The following DOCK5 variants were observed in gnomAD, a reference collection of about 807,000 sequenced individuals.
DOCK5 encodes the protein dedicator of cytokinesis protein 5.
A neutral mutation model predicts 251.8 loss-of-function variants in DOCK5; 142 were observed. The observed-to-expected ratio is 0.56, with a 90% CI of 0.49 to 0.65. The LOEUF (loss-of-function observed/expected upper bound fraction) is 0.65, where lower values mean the gene tolerates loss of function less well. Among genes scored for constraint, DOCK5 ranks in the 30% least tolerant of loss-of-function variants. DOCK5 has a pLI of 0.00. For missense variants in DOCK5, 2,111 were observed against 2,312.3 expected (o/e 0.91, Z 1.79); for synonymous variants, 842 against 835.5 (o/e 1.01, Z -0.13).
intron 14 of DOCK5, among the ~76,000 whole-genome samples, chr8:25,318,243 A>G (rs887816145): frequency 2.0e-5 from 2 of 98,782 alleles, no homozygotes; most frequent in African/African-American, 7.6e-5. Context: ...GCTCGCCACC[A>G]TGCTCGACTG....
intron 4 of DOCK5, among the ~76,000 whole-genome samples, chr8:25,276,270 T>A (rs1407263073): frequency 6.6e-6 from 1 of 152,190 alleles, no homozygotes; most frequent in Middle Eastern, 3.2e-3. Flanking sequence ...CCTACTTTGA[T>A]CATGAGCTTG....
rs1801409241 is a variant in DOCK5, at chr8:25,399,968, C to T, written c.4762C>T (p.Leu1588=). The change falls in exon 46 of 52, where the codon CTG becomes TTG. Residue 1588 remains leucine (L), a synonymous_variant. Coordinates refer to ENST00000276440, the MANE Select transcript of DOCK5 (RefSeq NM_024940.8). ...TCCTGAAGACCAGGAGAAGGTTGAG[C>T]TGCTAAAGCGACTAATAGCATTACA... ...EHPEDQEKVE[L]LKRLIALQMP... 6.2e-7 allele frequency: 1 copy of T among 1,613,734 alleles called. No individual in the cohort carries two copies. The highest frequency in any genetic ancestry group is 2.2e-5 in the East Asian group (1 of 44,874).
At chr8:25,259,049 G>A (rs932963524) in intron 2 of DOCK5, among the ~76,000 whole-genome samples, 5 of 152,196 alleles carry the variant, frequency 3.3e-5, no homozygotes, top group South Asian at 2.1e-4. Context: ...AGCCCGGGGG[G>A]GCGGAGGTTG....
At chr8:25,310,749 C>G (rs1805070397) in intron 13 of DOCK5, among the ~76,000 whole-genome samples, 2 of 152,130 alleles carry the variant, frequency 1.3e-5, no homozygotes, top group Admixed American at 1.3e-4. Context: ...CTCTGACTAT[C>G]CTTACCATGA....
At chr8:25,267,113 G>A (rs981546149) in intron 2 of DOCK5, among the ~76,000 whole-genome samples, 2 of 152,148 alleles carry the variant, frequency 1.3e-5, no homozygotes, top group Non-Finnish European at 2.9e-5. Context: ...CCATTTTCAT[G>A]TTTTCACAGA....
intron 26 of DOCK5, among the ~76,000 whole-genome samples, chr8:25,350,329 G>A (rs992315238): frequency 1.3e-5 from 2 of 150,618 alleles, no homozygotes; most frequent in Non-Finnish European, 3.0e-5. Flanking sequence ...GACAGATAGA[G>A]GCTATGAAAA....
intron 2 of DOCK5, among the ~76,000 whole-genome samples, chr8:25,251,037 C>T (rs186578712): frequency 8.5e-5 from 13 of 152,252 alleles, no homozygotes; most frequent in Admixed American, 5.9e-4. Context: ...CATGGAGCTC[C>T]CCTCTCCTGT....
In DOCK5 at chr8:25,414,862, CTG is replaced by C. The variant is rs1316075063; in HGVS notation, c.*3567_*3568del. On this transcript the variant is annotated 3_prime_UTR_variant, in exon 52 of 52. Coordinates refer to ENST00000276440, the MANE Select transcript of DOCK5 (RefSeq NM_024940.8). The stretch of plus-strand genomic sequence containing the variant: ...TCAACACAAAACAAGGCTATAAAGA[CTG>C]TGCACCTTTTAACAAGTCAATTTGT... The C allele has an allele frequency of 7.0e-6, 1 of 143,234 alleles. No individual in the cohort carries two copies. Among genetic ancestry groups the C allele is most frequent in the Admixed American group, 7.1e-5 (1 of 14,138 alleles). 8.9% of individuals were successfully genotyped at this position (143,234 alleles called of 1,614,324 possible). A position where few individuals can be genotyped will look rare whatever the true frequency, so the allele number is the denominator to read the frequency against.
At chr8:25,342,795 T>C (rs1586345400) in intron 25 of DOCK5, among the ~76,000 whole-genome samples, 1 of 139,124 alleles carries the variant, frequency 7.2e-6, no homozygotes, top group Non-Finnish European at 1.5e-5. Flanking sequence ...GCCTCCCAGG[T>C]TCAAGCAATT....
intron 1 of DOCK5, among the ~76,000 whole-genome samples, chr8:25,191,958 C>T (rs148230765): frequency 0.07 from 9,555 of 137,362 alleles, 453 homozygotes; most frequent in African/African-American, 0.12. Flanking sequence ...TGATGTTCCC[C>T]GTCCTGTGTC....
chr8:25,250,902 GCTGT>G (rs1426181383), intron 2 of DOCK5, among the ~76,000 whole-genome samples: 1 of 152,194 alleles, frequency 6.6e-6, no homozygotes, highest in African/African-American at 2.4e-5. Context: ...AGATATTGCA[GCTGT>G]CTTTGTGACA....
intron 1 of DOCK5, among the ~76,000 whole-genome samples, chr8:25,226,807 G>C (rs1240164344): frequency 6.6e-6 from 1 of 151,936 alleles, no homozygotes; most frequent in Middle Eastern, 3.2e-3. Context: ...AGATGGTCTC[G>C]ATCTCCTGAC....
chr8:25,278,651 C>T lies in DOCK5; in HGVS notation c.307C>T (p.Arg103Ter), dbSNP rs933276923. 7 of 1,613,748 alleles carry T rather than the reference C, an allele frequency of 4.3e-6. No homozygotes were observed. The highest frequency in any genetic ancestry group is 1.7e-5 in the Admixed American group (1 of 59,996). ...TCTGCGAGAATGGGCTGTCATCTGG[C>T]GAAAGCTCTACGTGGTGAGTTTCCC... ...STLREWAVIW[R>*]KLYVNNKLTL... Residue 103 changes from arginine to a stop codon, truncating the protein, a stop_gained, in exon 5 of 52, where the codon CGA (arginine) becomes TGA (stop). Transcript: ENST00000276440. LOFTEE classifies it high-confidence loss of function.
intron 46 of DOCK5, among the ~76,000 whole-genome samples, chr8:25,400,613 A>G (rs890584222): frequency 2.6e-5 from 4 of 151,954 alleles, no homozygotes; most frequent in Non-Finnish European, 5.9e-5. Flanking sequence ...AGAAAACATG[A>G]CTACCAAATT....
At chr8:25,366,824 A>C in intron 30 of DOCK5, 46 bp from the exon 31 acceptor site, 2 of 1,476,096 alleles carry the variant, frequency 1.4e-6, no homozygotes, top group Non-Finnish European at 1.9e-6. Context: ...GCCCTTATTA[A>C]TGTTATTTTT....
At chr8:25,234,299 G>C (rs1029291487) in intron 1 of DOCK5, among the ~76,000 whole-genome samples, 7 of 152,180 alleles carry the variant, frequency 4.6e-5, no homozygotes, top group African/African-American at 1.7e-4. Context: ...GATGATTTCT[G>C]TCTATAACAG....
At chr8:25,286,197 C>G (rs1405440956) in intron 5 of DOCK5, among the ~76,000 whole-genome samples, 1 of 151,916 alleles carries the variant, frequency 6.6e-6, no homozygotes, top group Non-Finnish European at 1.5e-5. Flanking sequence ...CCATCTGGAC[C>G]CAGGTGTTAC....
At chr8:25,202,171 C>T (rs139881934) in intron 1 of DOCK5, among the ~76,000 whole-genome samples, 1,957 of 152,224 alleles carry the variant, frequency 0.013, 47 homozygotes, top group African/African-American at 0.045. Flanking sequence ...GCATGCACCA[C>T]CACCCCCAGC....
intron 2 of DOCK5, among the ~76,000 whole-genome samples, chr8:25,261,014 G>A (rs1345545325): frequency 3.3e-5 from 5 of 151,852 alleles, no homozygotes; most frequent in African/African-American, 1.2e-4. Flanking sequence ...ATGTTCCCCA[G>A]GCTGGTCTCC....
Sources: gnomAD v4.1 joint callset for allele counts (sites outside exome capture counted in the v4.1 genomes callset) on GRCh38, gnomAD v4.1.1 for gene constraint, MANE v1.5 for transcripts, NCBI Gene and HGNC (gene_info 2026-07-23, HGNC 2026-07-21) for gene names.